The following SPNS2 variants were observed in gnomAD, a reference collection of about 807,000 sequenced individuals.
The protein encoded by SPNS2 is sphingosine-1-phosphate transporter SPNS2.
SPNS2 carries 37 observed loss-of-function variants against 57.6 expected under a neutral mutation model. That is an observed-to-expected ratio of 0.64 (90% CI 0.49 to 0.85). SPNS2 has a LOEUF of 0.85. SPNS2 is among the 40% of genes least tolerant of loss of function. SPNS2 has a pLI of 0.00. For missense variants in SPNS2, 831 were observed against 779.1 expected (o/e 1.07, Z -0.79); for synonymous variants, 440 against 346.9 (o/e 1.27, Z -2.98).
At chr17:4,507,765 C>T (rs558172425) in intron 1 of SPNS2, among the ~76,000 whole-genome samples, 19 of 152,290 alleles carry the variant, frequency 1.2e-4, no homozygotes, top group African/African-American at 3.4e-4. Flanking sequence ...AGGGGGTACG[C>T]GGGGACAAGC....
chr17:4,515,476 A>G (rs1159968242), intron 2 of SPNS2, among the ~76,000 whole-genome samples: 2 of 152,138 alleles, frequency 1.3e-5, no homozygotes, highest in Admixed American at 1.3e-4. Context: ...CCTCTGGGCC[A>G]TGGTGAGAAT....
Position 4,499,244 on chromosome 17 carries a change from G to A in SPNS2, c.197G>A (p.Arg66Gln). The change falls in exon 1 of 13, where the codon CGG becomes CAG. Residue 66 changes from arginine (R) to glutamine (Q), a missense_variant. By Grantham distance (43) the Arg-to-Gln change is conservative. This residue lies in a region of SPNS2 where 305 missense variants were observed against 378.3 expected (regional missense o/e 0.81). Transcript: ENST00000329078. The surrounding 1 kb of genome is among the most constrained non-coding windows in gnomAD (Gnocchi z 5.2). Reference protein sequence around the residue: ...EVQTLSGSVRRAPTGPPGTPG... With the variant: ...EVQTLSGSVRQAPTGPPGTPG... ...CAGACGCTGTCGGGCAGCGTAAGGC[G>A]GGCCCCGACCGGACCCCCCGGCACC... is the stretch of plus-strand genomic sequence containing the variant. 1 of 1,467,380 alleles carries A rather than the reference G, an allele frequency of 6.8e-7. No individual in the cohort carries two copies. Among genetic ancestry groups the A allele is most frequent in the South Asian group, 1.3e-5 (1 of 76,958 alleles). 90.9% of individuals were successfully genotyped at this position (1,467,380 alleles called of 1,614,324 possible).
chr17:4,536,641 G>C (rs1466830222), intron 11 of SPNS2: 156 of 690,436 alleles, frequency 2.3e-4, no homozygotes, highest in Non-Finnish European at 3.6e-5. Context: ...TCCAGACTTG[G>C]GTTTGTCTCT....
chr17:4,523,007 T>C (rs1243367849), intron 2 of SPNS2, among the ~76,000 whole-genome samples: 1 of 152,264 alleles, frequency 6.6e-6, no homozygotes, highest in Non-Finnish European at 1.5e-5. Flanking sequence ...CCCCAGCCTC[T>C]TTCCTGCTCC....
rs556744539 is a variant in SPNS2 at position 4,534,724 on chromosome 17, TG to T, written c.1344+873del. ...CTCCCGAGTCCATGGGCTGCGGTGG[TG>T]GTGGGGAGGCCTGGCGCAGTTCAGA... On this transcript the variant is annotated intron_variant, in intron 9 of 12. Transcript: ENST00000329078. Among the ~76,000 whole-genome samples the T allele has an allele frequency of 1.3e-4, 19 of 151,980 alleles. No homozygotes were observed. In the East Asian group the frequency reaches 3.7e-3, roughly 30 times the overall value.
At position 4,536,405 on chromosome 17, in the gene SPNS2, A is replaced by G; in HGVS notation, c.1586A>G (p.Asp529Gly). The change falls in exon 11 of 13, where the codon GAC (aspartate) becomes GGC (glycine). Residue 529 changes from aspartate (D) to glycine (G), a missense_variant. Coordinates refer to ENST00000329078, the MANE Select transcript of SPNS2 (RefSeq NM_001124758.3). Reference protein sequence around the residue: ...FLATALFFVSDRARAEQQVNQ... With the variant: ...FLATALFFVSGRARAEQQVNQ... ...GCCACTGCGCTCTTCTTCGTCAGCGACCGCGCCAGGGCTGAGCAGCAGTGA... is the reference window on the plus strand; with the variant it reads ...GCCACTGCGCTCTTCTTCGTCAGCGGCCGCGCCAGGGCTGAGCAGCAGTGA... 1.3e-6 allele frequency: 2 copies of G among 1,598,552 alleles called. No homozygotes were observed. Among genetic ancestry groups the G allele is most frequent in the Non-Finnish European group, 1.7e-6 (2 of 1,176,514 alleles).
intron 2 of SPNS2, among the ~76,000 whole-genome samples, chr17:4,516,831 G>A (rs1409754969): frequency 2.0e-5 from 3 of 152,224 alleles, no homozygotes; most frequent in East Asian, 1.9e-4. Flanking sequence ...CTCAAAAACC[G>A]GAGTGGGAGC....
chr17:4,530,976 TGCCTTGC>T, intron 4 of SPNS2, 70 bp from the exon 5 acceptor site: 1 of 1,560,418 alleles, frequency 6.4e-7, no homozygotes, highest in Non-Finnish European at 8.7e-7. Context: ...GTGGGCAGCC[TGCCTTGC>T]AGACCAGCGG....
intron 12 of SPNS2, 27 bp downstream of exon 12, chr17:4,536,973 G>A (rs1414298091): frequency 1.2e-6 from 2 of 1,610,938 alleles, no homozygotes; most frequent in Non-Finnish European, 8.5e-7. Context: ...AGGCACGTGG[G>A]GGCTCCCTAA....
In SPNS2 at chr17:4,510,054, C is replaced by G. The variant is rs2144315381; in HGVS notation, c.371-3193C>G. Among the ~76,000 whole-genome samples, 1 of 152,388 alleles carries G rather than the reference C, an allele frequency of 6.6e-6. No homozygotes were observed. Among genetic ancestry groups the G allele is most frequent in the South Asian group, 2.1e-4 (1 of 4,830 alleles). On this transcript the variant is annotated intron_variant, in intron 1 of 12. Transcript: ENST00000329078. The surrounding 1 kb of genome is among the most constrained non-coding windows in gnomAD (Gnocchi z 4.4). Reference sequence around the variant, plus strand: ...GCCGTGCTGGAGCCCAAAGGAAAATCTGAGGCGACCCGCCGAGCTGCTGTG... The same window carrying G: ...GCCGTGCTGGAGCCCAAAGGAAAATGTGAGGCGACCCGCCGAGCTGCTGTG...
Position 4,513,328 on chromosome 17 carries a change from C to T in SPNS2, c.436+16C>T, listed in dbSNP as rs753864794. ...CTGCAGTCAGGTGAGGCCCACCTCC[C>T]ACCTTCCCCCCCACGCCCAGGCGTT... On this transcript the variant is annotated intron_variant, in intron 2 of 12. Transcript: ENST00000329078. 7.4e-6 allele frequency: 12 copies of T among 1,613,146 alleles called. No homozygotes were observed. The South Asian group carries it at 1.3e-4, about 18-fold the overall frequency.
At chr17:4,522,646 C>T (rs938751888) in intron 2 of SPNS2, among the ~76,000 whole-genome samples, 1 of 152,262 alleles carries the variant, frequency 6.6e-6, no homozygotes, top group African/African-American at 2.4e-5. Context: ...GCAGCCGGGA[C>T]CACGCACACA....
In SPNS2 at chr17:4,533,085, G is replaced by A. The variant is rs1195144731; in HGVS notation, c.1044G>A (p.Lys348=). The A allele has an allele frequency of 6.2e-6, 10 of 1,612,912 alleles. No individual in the cohort carries two copies. The highest frequency in any genetic ancestry group is 1.3e-5 in the African/African-American group (1 of 74,932). Reference sequence around the variant, plus strand: ...TGCACCGCGCCCAAGTTGTGCAGAAGACAGCAGAGACGTGCAACAGCCCGC... The same window carrying A: ...TGCACCGCGCCCAAGTTGTGCAGAAAACAGCAGAGACGTGCAACAGCCCGC... ...LYLHRAQVVQ[K]TAETCNSPPC... The change falls in exon 7 of 13, where the codon AAG becomes AAA. Residue 348 remains lysine, a synonymous_variant. Transcript: ENST00000329078.
chr17:4,522,123 C>T (rs58986838), intron 2 of SPNS2, among the ~76,000 whole-genome samples: 11,812 of 152,184 alleles, frequency 0.078, 1,598 homozygotes, highest in African/African-American at 0.27. Context: ...CGCTTGAACC[C>T]GGGAGGCAGA....
intron 11 of SPNS2, 197 bp downstream of exon 11, chr17:4,536,623 C>T: frequency 1.4e-6 from 1 of 729,666 alleles, no homozygotes; most frequent in Non-Finnish European, 2.2e-6. Context: ...ACGGGGGTGT[C>T]TGGTGGATCC....
rs768896891 is a variant in SPNS2, at chr17:4,513,293, C to G, written c.417C>G (p.Gly139=). ...AGCACTTTGGGGTCAAGGACCGAGGCGCCGGCCTGCTGCAGTCAGGTGAGG... is the reference window on the plus strand; with the variant it reads ...AGCACTTTGGGGTCAAGGACCGAGGGGCCGGCCTGCTGCAGTCAGGTGAGG... The part of the protein sequence containing the change: ...IQQHFGVKDR[G]AGLLQSVFIC... Residue 139 remains glycine (G), a synonymous_variant, in exon 2 of 13, where the codon GGC becomes GGG. Coordinates refer to ENST00000329078, the MANE Select transcript of SPNS2 (RefSeq NM_001124758.3). 5.0e-6 allele frequency: 8 copies of G among 1,613,836 alleles called. No individual in the cohort carries two copies. In the African/African-American group the frequency reaches 6.7e-5, roughly 13 times the overall value.
At chr17:4,532,734 T>A in intron 6 of SPNS2, 50 bp downstream of exon 6, 1 of 1,588,614 alleles carries the variant, frequency 6.3e-7, no homozygotes, top group South Asian at 1.1e-5. Context: ...GGTGCTGAGA[T>A]GAGAGGGCCT....
intron 12 of SPNS2, 110 bp downstream of exon 12, chr17:4,537,056 C>T: frequency 8.5e-7 from 1 of 1,178,598 alleles, no homozygotes; most frequent in South Asian, 1.3e-5. Flanking sequence ...CCAGCACATC[C>T]CACCAACTCT....
At chr17:4,516,316 C>CAAAAAAAAAAAAAAAAAAAAAAAAAAA (rs67710825) in intron 2 of SPNS2, among the ~76,000 whole-genome samples, 2 of 67,496 alleles carry the variant, frequency 3.0e-5, no homozygotes, top group African/African-American at 1.5e-4. Context: ...TCTATCTCCC[C>CAAAAAAAAAAAAAAAAAAAAAAAAAAA]AAAAAAAAAA....
Sources: allele counts gnomAD v4.1 joint callset (sites outside exome capture counted in the v4.1 genomes callset), GRCh38; gene constraint gnomAD v4.1.1; regional missense constraint gnomAD v4.1.1; non-coding constraint Gnocchi (gnomAD v3.1); transcripts MANE v1.5; gene names NCBI Gene and HGNC (gene_info 2026-07-23, HGNC 2026-07-21).